Variants in EVA1A observed in about 807,000 individuals in gnomAD.
The protein encoded by EVA1A is protein eva-1 homolog A.
EVA1A carries 7 observed loss-of-function variants against 9.8 expected under a neutral mutation model. The observed-to-expected ratio is 0.71, with a 90% CI of 0.41 to 1.34. The LOEUF (loss-of-function observed/expected upper bound fraction) is 1.34. Ranked by LOEUF, EVA1A falls within the 40% of genes most tolerant of loss-of-function variation. The probability of loss-of-function intolerance (pLI) is 0.01; values close to 1 mark genes in which losing one functional copy is unlikely to be tolerated. For synonymous variants in EVA1A, 90 were observed against 85.6 expected, an observed-to-expected ratio of 1.05 and a Z score of -0.28; for missense variants, 206 against 205.9, an observed-to-expected ratio of 1.00 and a Z score of 0.00.
intron 1 of EVA1A, among the ~76,000 whole-genome samples, chr2:75,537,361 TTCA>T (rs1245786310): frequency 6.6e-6 from 1 of 152,202 alleles, no homozygotes; most frequent in Non-Finnish European, 1.5e-5. Context: ...AACATTATAC[TTCA>T]TCATGAAATA....
chr2:75,507,278 C>T (rs1171450166), intron 3 of EVA1A, among the ~76,000 whole-genome samples: 1 of 152,202 alleles, frequency 6.6e-6, no homozygotes, highest in Non-Finnish European at 1.5e-5. Context: ...GTTCTCCAGC[C>T]TGTAACCAAG....
At chr2:75,563,530 C>T (rs1013355937), upstream of EVA1A, among the ~76,000 whole-genome samples, 2 of 152,186 alleles carry the variant, frequency 1.3e-5, no homozygotes, top group African/African-American at 2.4e-5. Flanking sequence ...TCATAGATAC[C>T]GAACTCTACG....
At chr2:75,558,824 C>T (rs1676816737) in intron 1 of EVA1A, 1 of 152,228 alleles carries the variant, frequency 6.6e-6, no homozygotes, top group Non-Finnish European at 1.5e-5. Context: ...TCTGTAAAGA[C>T]AGTGATTTTC....
intron 3 of EVA1A, among the ~76,000 whole-genome samples, chr2:75,513,141 G>A (rs1674876325): frequency 6.6e-6 from 1 of 152,056 alleles, no homozygotes; most frequent in Non-Finnish European, 1.5e-5. Context: ...AGAGATATTG[G>A]CCCCTACATT....
intron 1 of EVA1A, among the ~76,000 whole-genome samples, chr2:75,533,572 C>G (rs1200206405): frequency 6.6e-6 from 1 of 152,040 alleles, no homozygotes; most frequent in Non-Finnish European, 1.5e-5. Flanking sequence ...ATAGGCTTTC[C>G]TTTTCCTCAT....
In EVA1A at chr2:75,493,571, C is replaced by A. The variant is rs569896369; in HGVS notation, c.124G>T (p.Val42Leu). 7 of 1,612,704 alleles carry A rather than the reference C, an allele frequency of 4.3e-6. No individual in the cohort carries two copies. The highest frequency in any genetic ancestry group is 1.7e-4 in the Middle Eastern group (1 of 6,050). ...ERAALYFVSG[V>L]CIGLVLTLAA... The stretch of plus-strand genomic sequence containing the variant: ...AGGGTCAGCACCAGCCCGATGCACA[C>A]GCCAGAAACAAAGTACAGAGCTGCT... Residue 42 changes from valine to leucine, a missense_variant, in exon 4 of 4, where the codon GTG (valine) becomes TTG (leucine). Transcript: ENST00000393913.
intron 1 of EVA1A, among the ~76,000 whole-genome samples, chr2:75,533,149 TAA>T (rs535862439): frequency 1.0e-4 from 12 of 116,562 alleles, no homozygotes; most frequent in Non-Finnish European, 5.5e-5. Flanking sequence ...ACCCTGTCTT[TAA>T]AAAAAAAAAA....
chr2:75,525,301 C>T (rs1675387903), intron 1 of EVA1A, among the ~76,000 whole-genome samples: 1 of 152,162 alleles, frequency 6.6e-6, no homozygotes, highest in African/African-American at 2.4e-5. Flanking sequence ...CTTCCCTTTG[C>T]TCAACCTCCA....
intron 3 of EVA1A, among the ~76,000 whole-genome samples, chr2:75,509,235 T>A (rs1023659480): frequency 2.0e-5 from 3 of 152,190 alleles, no homozygotes; most frequent in African/African-American, 7.2e-5. Flanking sequence ...AGTTAAAATG[T>A]ATAAGGGCAT....
intron 3 of EVA1A, chr2:75,517,672 C>A: frequency 1.6e-6 from 1 of 634,200 alleles, no homozygotes; most frequent in Non-Finnish European, 2.9e-6. Context: ...CCCACACACA[C>A]AGTCTCACAC....
intron 3 of EVA1A, among the ~76,000 whole-genome samples, chr2:75,494,392 C>A (rs959443474): frequency 6.6e-6 from 1 of 152,174 alleles, no homozygotes; most frequent in African/African-American, 2.4e-5. Flanking sequence ...ATGGCAAAAG[C>A]AATGGGTGAT....
intron 3 of EVA1A, among the ~76,000 whole-genome samples, chr2:75,498,129 A>G (rs762863640): frequency 2.0e-5 from 3 of 152,184 alleles, no homozygotes; most frequent in South Asian, 2.1e-4. Flanking sequence ...GTACATATGC[A>G]CCATGGAATA....
At chr2:75,501,563 T>C (rs1674419786) in intron 3 of EVA1A, among the ~76,000 whole-genome samples, 1 of 152,168 alleles carries the variant, frequency 6.6e-6, no homozygotes, top group Non-Finnish European at 1.5e-5. Context: ...CAAAAAAGGT[T>C]TTGATTTCTG....
intron 1 of EVA1A, among the ~76,000 whole-genome samples, chr2:75,545,693 A>G (rs1676305360): frequency 1.3e-5 from 1 of 74,214 alleles, no homozygotes; most frequent in Admixed American, 1.5e-4. Context: ...CAGGACACAG[A>G]AATCATTCAT....
intron 2 of EVA1A, among the ~76,000 whole-genome samples, chr2:75,519,077 C>A (rs1420773767): frequency 3.9e-5 from 6 of 152,166 alleles, no homozygotes; most frequent in Non-Finnish European, 2.9e-5. Flanking sequence ...CAGCCTCTGG[C>A]TGGAGGAGCA....
rs1338957446 is a variant in EVA1A, at chr2:75,525,533, G to A, written c.-191-3046C>T. On this transcript the variant is annotated intron_variant, in intron 1 of 3. Coordinates refer to ENST00000393913, the MANE Select transcript of EVA1A (RefSeq NM_001135032.2). Reference sequence around the variant, plus strand: ...TCCAGCATGGAGACTATGAGCTCCTGGCTGTTGAGGGGGCTCTTGTGTTCC... The same window carrying A: ...TCCAGCATGGAGACTATGAGCTCCTAGCTGTTGAGGGGGCTCTTGTGTTCC... Among the ~76,000 whole-genome samples the A allele has an allele frequency of 3.3e-5, 5 of 152,226 alleles. No homozygotes were observed. The East Asian group carries it at 9.6e-4, about 29-fold the overall frequency.
intron 3 of EVA1A, among the ~76,000 whole-genome samples, chr2:75,515,884 AACAC>A (rs532842265): frequency 6.6e-6 from 1 of 151,634 alleles, no homozygotes; most frequent in East Asian, 1.9e-4. Context: ...CCTAACAAAG[AACAC>A]ACACACACAC....
chr2:75,527,980 G>T (rs1022411346), intron 1 of EVA1A, among the ~76,000 whole-genome samples: 2 of 152,242 alleles, frequency 1.3e-5, no homozygotes, highest in African/African-American at 4.8e-5. Context: ...GGGGAACCTG[G>T]AAATCTAGAT....
At chr2:75,555,779 T>C (rs1299394966) in intron 1 of EVA1A, among the ~76,000 whole-genome samples, 1 of 152,132 alleles carries the variant, frequency 6.6e-6, no homozygotes, top group African/African-American at 2.4e-5. Flanking sequence ...TGCCCTCCAG[T>C]CCCCACCATA....
Sources: gnomAD v4.1 joint callset for allele counts (sites outside exome capture counted in the v4.1 genomes callset) on GRCh38, gnomAD v4.1.1 for gene constraint, MANE v1.5 for transcripts, NCBI Gene and HGNC (gene_info 2026-07-23, HGNC 2026-07-21) for gene names.